ZC3HAV1: variants seen among roughly 807,000 people sequenced by gnomAD.
ZC3HAV1 encodes zinc finger CCCH-type containing, antiviral 1, also known as zinc finger CCCH-type antiviral protein 1.
Under a neutral mutation model 86.6 loss-of-function variants are expected in ZC3HAV1, and 41 were observed. The observed-to-expected ratio is 0.47, with a 90% CI of 0.37 to 0.61. ZC3HAV1 has a LOEUF of 0.61. Ranked by LOEUF, ZC3HAV1 falls within the 20% of genes least tolerant of loss-of-function variation. The pLI, the probability that ZC3HAV1 is intolerant of heterozygous loss-of-function variation, is 0.00. For missense variants in ZC3HAV1, 964 were observed against 1,141.1 expected (o/e 0.84, Z 2.24); for synonymous variants, 421 against 432.1 (o/e 0.97, Z 0.32).
intron 7 of ZC3HAV1, among the ~76,000 whole-genome samples, chr7:139,070,547 C>CCA (rs1816741658): frequency 6.6e-6 from 1 of 151,110 alleles, no homozygotes; most frequent in East Asian, 1.9e-4. Context: ...GCCTGTAGTC[C>CCA]CAGCTATTTG....
At chr7:139,078,409 TCC>T in intron 5 of ZC3HAV1, 141 bp downstream of exon 5, 1 of 626,870 alleles carries the variant, frequency 1.6e-6, no homozygotes, top group Non-Finnish European at 2.7e-6. Context: ...TACTATATGA[TCC>T]CCCAACTCCA....
At chr7:139,081,914 C>T (rs1817137463) in intron 3 of ZC3HAV1, among the ~76,000 whole-genome samples, 1 of 152,144 alleles carries the variant, frequency 6.6e-6, no homozygotes, top group Non-Finnish European at 1.5e-5. Context: ...TTCCTACATC[C>T]ACTTCATAAA....
At chr7:139,090,509 T>C (rs1817399575) in intron 1 of ZC3HAV1, among the ~76,000 whole-genome samples, 1 of 152,238 alleles carries the variant, frequency 6.6e-6, no homozygotes, top group African/African-American at 2.4e-5. Flanking sequence ...AAGTATATCA[T>C]GTTAATTTCA....
In ZC3HAV1 at chr7:139,089,777, A is replaced by G. The variant is rs779811038; in HGVS notation, c.309-18T>C. 6.9e-6 allele frequency: 11 copies of G among 1,603,124 alleles called. No homozygotes were observed. The South Asian group carries it at 1.1e-4, about 16-fold the overall frequency. On this transcript the variant is annotated intron_variant, in intron 1 of 12. Coordinates refer to ENST00000242351, the MANE Select transcript of ZC3HAV1 (RefSeq NM_020119.4). ...ATAAATTCCTGGAAGAAAACACGAC[A>G]ATGGTCAGTATTTCTACTACACAGA...
At chr7:139,093,657 T>C (rs1273369154) in intron 1 of ZC3HAV1, among the ~76,000 whole-genome samples, 1 of 152,120 alleles carries the variant, frequency 6.6e-6, no homozygotes, top group Non-Finnish European at 1.5e-5. Context: ...CCTTTGACTA[T>C]AATTTTCCAC....
At chr7:139,085,952 C>A (rs759065293) in intron 2 of ZC3HAV1, among the ~76,000 whole-genome samples, 1 of 151,626 alleles carries the variant, frequency 6.6e-6, no homozygotes. Context: ...ACGGAGGTTG[C>A]AGGACCTGAA....
intron 1 of ZC3HAV1, among the ~76,000 whole-genome samples, chr7:139,096,485 G>T (rs571673738): frequency 1.3e-5 from 2 of 152,160 alleles, no homozygotes; most frequent in Non-Finnish European, 2.9e-5. Flanking sequence ...TCAGGATCCT[G>T]TGAGTGACAA....
intron 7 of ZC3HAV1, among the ~76,000 whole-genome samples, chr7:139,071,241 T>A (rs1584851967): frequency 1.3e-5 from 2 of 151,658 alleles, no homozygotes; most frequent in Admixed American, 1.3e-4. Flanking sequence ...GAATTACAGG[T>A]GCACGCCACC....
intron 8 of ZC3HAV1, among the ~76,000 whole-genome samples, chr7:139,064,305 G>C (rs959005930): frequency 6.6e-6 from 1 of 152,194 alleles, no homozygotes; most frequent in Admixed American, 6.5e-5. Flanking sequence ...TCAGAAGGAG[G>C]GCAGTTCCTG....
chr7:139,073,456 T>G (rs1410369881), intron 7 of ZC3HAV1, among the ~76,000 whole-genome samples: 2 of 152,028 alleles, frequency 1.3e-5, no homozygotes, highest in Non-Finnish European at 2.9e-5. Flanking sequence ...CCATGTAGGC[T>G]TCAAACATTT....
rs1366975644 is a variant in ZC3HAV1 at position 139,047,867 on chromosome 7, GAAAGA to G, written c.2450-19_2450-15del. The G allele has an allele frequency of 1.2e-6, 2 of 1,603,376 alleles. No homozygotes were observed. The highest frequency in any genetic ancestry group is 1.7e-6 in the Non-Finnish European group (2 of 1,177,920). ...CAAAGTAAATTCCTAGAAAGAATCA[GAAAGA>G]AAAGTTAAGAAATATTATAAAAGAA... On this transcript the variant is annotated splice_polypyrimidine_tract_variant and intron_variant, in intron 12 of 12. Transcript: ENST00000242351.
chr7:139,100,190 G>A (rs1368325623), intron 1 of ZC3HAV1, among the ~76,000 whole-genome samples: 1 of 151,926 alleles, frequency 6.6e-6, no homozygotes, highest in Non-Finnish European at 1.5e-5. Flanking sequence ...AAAAAAATGA[G>A]TAATAAGACT....
At chr7:139,073,768 G>C in intron 7 of ZC3HAV1, 88 bp downstream of exon 7, 1 of 1,379,734 alleles carries the variant, frequency 7.2e-7, no homozygotes, top group African/African-American at 1.5e-5. Context: ...TGGGCTTACA[G>C]GCATGAGCCA....
intron 12 of ZC3HAV1, among the ~76,000 whole-genome samples, chr7:139,050,571 T>A (rs1816093761): frequency 6.6e-6 from 1 of 152,206 alleles, no homozygotes; most frequent in East Asian, 1.9e-4. Flanking sequence ...GGTTTCACCA[T>A]GTTGGTCAGG....
At position 139,079,801 on chromosome 7, in the gene ZC3HAV1, C is replaced by T. The variant is rs766174167; in HGVS notation, c.1140G>A (p.Thr380=). 9 of 1,613,982 alleles carry T rather than the reference C, an allele frequency of 5.6e-6. No homozygotes were observed. The highest frequency in any genetic ancestry group is 2.7e-5 in the African/African-American group (2 of 74,886). ...GARRKTVFSP[T]LPAARSSLGS... ...CAAGAGAAGAGCGGGCGGCAGGTAG[C>T]GTGGGAGAAAACACAGTCTTTCTCC... The change falls in exon 4 of 13, where the codon ACG becomes ACA. Residue 380 remains threonine, a synonymous_variant. Transcript: ENST00000242351.
intron 1 of ZC3HAV1, among the ~76,000 whole-genome samples, chr7:139,095,751 C>G (rs1817567299): frequency 6.6e-6 from 1 of 152,212 alleles, no homozygotes; most frequent in Non-Finnish European, 1.5e-5. Context: ...GTCTTGACTT[C>G]TCTAGTCCCC....
At position 139,046,039 on chromosome 7, in the gene ZC3HAV1, GT is replaced by G. The variant is rs2130653459; in HGVS notation, c.*1554del. Reference sequence around the variant, plus strand: ...GCTAATTAAATCTGACTTATAACTTGTCTGCTAAAAGAAATTATAACAGGAA... The same window carrying G: ...GCTAATTAAATCTGACTTATAACTTGCTGCTAAAAGAAATTATAACAGGAA... On this transcript the variant is annotated 3_prime_UTR_variant, in exon 13 of 13. Coordinates refer to ENST00000242351, the MANE Select transcript of ZC3HAV1 (RefSeq NM_020119.4). The G allele has an allele frequency of 6.9e-6, 1 of 144,758 alleles. No individual in the cohort carries two copies. Among genetic ancestry groups the G allele is most frequent in the East Asian group, 2.1e-4 (1 of 4,788 alleles). 9.0% of individuals were successfully genotyped at this position (144,758 alleles called of 1,614,324 possible).
chr7:139,089,914 T>C (rs1470281868), intron 1 of ZC3HAV1, among the ~76,000 whole-genome samples, 155 bp from the exon 2 acceptor site: 1 of 152,146 alleles, frequency 6.6e-6, no homozygotes, highest in Non-Finnish European at 1.5e-5. Flanking sequence ...TATATTTATT[T>C]ATTTTTTTTA....
At chr7:139,072,335 C>T (rs915121198) in intron 7 of ZC3HAV1, among the ~76,000 whole-genome samples, 2 of 152,054 alleles carry the variant, frequency 1.3e-5, no homozygotes, top group Non-Finnish European at 2.9e-5. Context: ...CAAGCACGCG[C>T]CACCACACCC....
Sources: allele counts gnomAD v4.1 joint callset (sites outside exome capture counted in the v4.1 genomes callset), GRCh38; gene constraint gnomAD v4.1.1; transcripts MANE v1.5; gene names NCBI Gene and HGNC (gene_info 2026-07-23, HGNC 2026-07-21).